Variants in ADORA2B observed in about 807,000 individuals in gnomAD.
ADORA2B encodes the protein adenosine receptor A2b.
Under a neutral mutation model 20.8 loss-of-function variants are expected in ADORA2B, and 18 were observed. That is an observed-to-expected ratio of 0.87 (90% CI 0.60 to 1.29). The LOEUF (loss-of-function observed/expected upper bound fraction) is 1.29, where lower values mean the gene tolerates loss of function less well. Ranked by LOEUF, ADORA2B falls within the 50% of genes most tolerant of loss-of-function variation. The probability of loss-of-function intolerance (pLI) is 0.00; values close to 1 mark genes in which losing one functional copy is unlikely to be tolerated. For synonymous variants in ADORA2B, 179 were observed against 178.3 expected, an observed-to-expected ratio of 1.00 and a Z score of -0.03; for missense variants, 441 against 422.7, an observed-to-expected ratio of 1.04 and a Z score of -0.38.
chr17:15,954,601 A>G (rs779995476), intron 1 of ADORA2B, among the ~76,000 whole-genome samples: 37 of 152,088 alleles, frequency 2.4e-4, no homozygotes, highest in Non-Finnish European at 4.6e-4. Flanking sequence ...GGGTTCTTAT[A>G]TGTCAAAAAT....
At chr17:15,902,442 C>T in the ADORA2B span, among the ~76,000 whole-genome samples, 1 of 152,220 alleles carries the variant, frequency 6.6e-6, no homozygotes. Flanking sequence ...AGGTAATCCA[C>T]CTGCCTCAGG....
At chr17:15,946,821 G>A (rs1425404205) in intron 1 of ADORA2B, among the ~76,000 whole-genome samples, 1 of 152,218 alleles carries the variant, frequency 6.6e-6, no homozygotes, top group East Asian at 1.9e-4. Flanking sequence ...AGGCCACTCT[G>A]CAAGGCCATG....
intron 1 of ADORA2B, among the ~76,000 whole-genome samples, chr17:15,964,172 G>A (rs182174872): frequency 2.6e-5 from 4 of 152,262 alleles, no homozygotes; most frequent in African/African-American, 7.2e-5. Flanking sequence ...CCTGCTTCCC[G>A]TTCATATAAG....
At chr17:15,964,285 A>C (rs1004162791) in intron 1 of ADORA2B, among the ~76,000 whole-genome samples, 2 of 152,184 alleles carry the variant, frequency 1.3e-5, no homozygotes, top group Non-Finnish European at 1.5e-5. Flanking sequence ...ATCTAGGCCT[A>C]AAGTTTTCTT....
the ADORA2B span, among the ~76,000 whole-genome samples, chr17:15,892,054 T>G: frequency 2.1e-5 from 3 of 144,130 alleles, no homozygotes; most frequent in Admixed American, 7.1e-5. Flanking sequence ...AGAGACGAGG[T>G]TTCCCCATGT....
At chr17:15,953,294 C>T (rs1969928649) in intron 1 of ADORA2B, among the ~76,000 whole-genome samples, 1 of 152,172 alleles carries the variant, frequency 6.6e-6, no homozygotes, top group South Asian at 2.1e-4. Context: ...GCTGGTGAGT[C>T]CATGAATGAG....
At chr17:15,934,920 C>T in the ADORA2B span, among the ~76,000 whole-genome samples, 1 of 152,232 alleles carries the variant, frequency 6.6e-6, no homozygotes, top group Middle Eastern at 3.4e-3. Context: ...GATTCTCCTG[C>T]CTCAGCCTCC....
chr17:15,904,320 A>AG, the ADORA2B span, among the ~76,000 whole-genome samples: 11 of 151,538 alleles, frequency 7.3e-5, no homozygotes, highest in Admixed American at 7.2e-4. Flanking sequence ...GTTGTCTGTA[A>AG]AAACTCATCA....
At chr17:15,858,989 T>C in the ADORA2B span, among the ~76,000 whole-genome samples, 2 of 152,134 alleles carry the variant, frequency 1.3e-5, no homozygotes, top group Non-Finnish European at 2.9e-5. Context: ...ACAGAAACTT[T>C]GTTGCTGATT....
At chr17:15,861,418 T>C in the ADORA2B span, among the ~76,000 whole-genome samples, 1 of 152,144 alleles carries the variant, frequency 6.6e-6, no homozygotes, top group Non-Finnish European at 1.5e-5. Flanking sequence ...ACATTCCAGC[T>C]GGAAGGCAGG....
chr17:15,955,673 T>TG (rs747549278), intron 1 of ADORA2B, among the ~76,000 whole-genome samples: 41 of 150,678 alleles, frequency 2.7e-4, no homozygotes, highest in Non-Finnish European at 3.1e-4. Context: ...CTCCCAAAGT[T>TG]GTGGGACCAC....
the ADORA2B span, among the ~76,000 whole-genome samples, chr17:15,912,487 C>T: frequency 6.6e-6 from 1 of 152,172 alleles, no homozygotes; most frequent in Non-Finnish European, 1.5e-5. Context: ...CCTTTTTCTC[C>T]CTAGGGCCTC....
At chr17:15,876,848 G>A in the ADORA2B span, among the ~76,000 whole-genome samples, 1 of 152,162 alleles carries the variant, frequency 6.6e-6, no homozygotes, top group East Asian at 1.9e-4. Flanking sequence ...ACATTGTTGT[G>A]TAACCAATCT....
At chr17:15,899,136 A>G in the ADORA2B span, among the ~76,000 whole-genome samples, 290 of 152,176 alleles carry the variant, frequency 1.9e-3, 2 homozygotes, top group African/African-American at 6.6e-3. Flanking sequence ...AGGCTGAGGC[A>G]GGAGAATCAC....
At chr17:15,924,750 AAGTT>A in the ADORA2B span, among the ~76,000 whole-genome samples, 18 of 75,748 alleles carry the variant, frequency 2.4e-4, no homozygotes, top group African/African-American at 2.0e-3. Flanking sequence ...AAAAAAAAAA[AAGTT>A]AAGTAGTATT....
At chr17:15,892,771 A>G in the ADORA2B span, among the ~76,000 whole-genome samples, 1 of 151,962 alleles carries the variant, frequency 6.6e-6, no homozygotes, top group Non-Finnish European at 1.5e-5. Flanking sequence ...GAATGCAGCC[A>G]TGAATCCAAC....
At chr17:15,866,712 GCTGCCT>G in the ADORA2B span, among the ~76,000 whole-genome samples, 8 of 145,496 alleles carry the variant, frequency 5.5e-5, no homozygotes, top group African/African-American at 2.1e-4. Flanking sequence ...TGCCGCTGCC[GCTGCCT>G]CTGCCGCTGC....
chr17:15,859,741 G>A, the ADORA2B span, among the ~76,000 whole-genome samples: 1 of 152,138 alleles, frequency 6.6e-6, no homozygotes, highest in Non-Finnish European at 1.5e-5. Context: ...AGCCCAGGAG[G>A]TTAAGTCCAA....
chr17:15,887,213 C>T, the ADORA2B span, among the ~76,000 whole-genome samples: 6 of 130,010 alleles, frequency 4.6e-5, 2 homozygotes, highest in African/African-American at 2.0e-4. Flanking sequence ...AGGCTCTTGC[C>T]CACAGAGGAG....
Sources: gnomAD v4.1 joint callset for allele counts (sites outside exome capture counted in the v4.1 genomes callset) on GRCh38, gnomAD v4.1.1 for gene constraint, MANE v1.5 for transcripts, NCBI Gene and HGNC (gene_info 2026-07-23, HGNC 2026-07-21) for gene names.